The following PFKM variants were observed in gnomAD, a reference collection of about 807,000 sequenced individuals.
PFKM encodes the protein ATP-dependent 6-phosphofructokinase, muscle type.
PFKM carries 58 observed loss-of-function variants against 95.5 expected under a neutral mutation model. That is an observed-to-expected ratio of 0.61 (90% confidence interval 0.49 to 0.76). PFKM has a LOEUF of 0.76. Ranked by LOEUF, PFKM falls within the 30% of genes least tolerant of loss-of-function variation. The probability of loss-of-function intolerance (pLI) is 0.00; values close to 1 mark genes in which losing one functional copy is unlikely to be tolerated. For missense variants in PFKM, 678 were observed against 1,005.4 expected, an observed-to-expected ratio of 0.67 and a Z score of 4.40; for synonymous variants, 336 against 357.2, an observed-to-expected ratio of 0.94 and a Z score of 0.67.
At chr12:48,139,435 A>T (rs1950391439) in intron 12 of PFKM, 86 bp downstream of exon 12, 1 of 1,006,734 alleles carries the variant, frequency 9.9e-7, no homozygotes, top group Middle Eastern at 2.2e-4. Context: ...GGCCCAAAAC[A>T]TGAGCTTCTG....
At chr12:48,105,450 T>C (rs1446800907), upstream of PFKM, 8 of 518,896 alleles carry the variant, frequency 1.5e-5, no homozygotes, top group Non-Finnish European at 3.8e-6. Flanking sequence ...AAGGGGATTT[T>C]CATAACCTGA....
Position 48,134,757 on chromosome 12 carries a change from C to T in PFKM, c.675C>T (p.Ala225=), listed in dbSNP as rs1368560997. 14 of 1,613,940 alleles carry T rather than the reference C, an allele frequency of 8.7e-6. No individual in the cohort carries two copies. The highest frequency in any genetic ancestry group is 1.6e-4 in the Middle Eastern group (1 of 6,084). ...LALVTSLSCG[A]DWVFIPECPP... ...TTGTCACCTCTCTGTCCTGTGGGGC[C>T]GACTGGGTTTTTATTCCTGAATGTC... is the stretch of plus-strand genomic sequence containing the variant. The change falls in exon 8 of 23, where the codon GCC becomes GCT. Residue 225 remains alanine (A), a synonymous_variant. Coordinates refer to ENST00000359794, the MANE Select transcript of PFKM (RefSeq NM_000289.6).
chr12:48,113,146 G>T (rs1226310581), intron 3 of PFKM, among the ~76,000 whole-genome samples: 4 of 152,146 alleles, frequency 2.6e-5, no homozygotes, highest in Non-Finnish European at 5.9e-5. Flanking sequence ...CTAAAAAGGA[G>T]TGCTTAAAAG....
At chr12:48,119,681 C>T (rs1329233512) in intron 1 of PFKM, 2 of 152,300 alleles carry the variant, frequency 1.3e-5, no homozygotes, top group Non-Finnish European at 2.9e-5. Flanking sequence ...GCTGCCTGAC[C>T]CTACCCTGGC....
intron 10 of PFKM, among the ~76,000 whole-genome samples, chr12:48,136,816 T>C (rs1393548231): frequency 6.7e-6 from 1 of 150,184 alleles, no homozygotes; most frequent in African/African-American, 2.4e-5. Flanking sequence ...TGCAGTGGCA[T>C]GGTCTCAGCT....
rs1489343555 is a variant in PFKM, at chr12:48,137,718, C to A, written c.937-3C>A. 8 of 1,613,994 alleles carry A rather than the reference C, an allele frequency of 5.0e-6. No individual in the cohort carries two copies. In the East Asian group the frequency reaches 1.6e-4, roughly 31 times the overall value. On this transcript the variant is annotated splice_region_variant and splice_polypyrimidine_tract_variant and intron_variant, in intron 10 of 22. Coordinates refer to ENST00000359794, the MANE Select transcript of PFKM (RefSeq NM_000289.6). Reference sequence around the variant, plus strand: ...ACTGTCTTTGTTCTCTGGGCTCCTGCAGGGCAGCAGGATGGGTGTGGAAGC... The same window carrying A: ...ACTGTCTTTGTTCTCTGGGCTCCTGAAGGGCAGCAGGATGGGTGTGGAAGC...
At chr12:48,111,463 A>G (rs1947179845) in intron 3 of PFKM, among the ~76,000 whole-genome samples, 1 of 152,242 alleles carries the variant, frequency 6.6e-6, no homozygotes, top group African/African-American at 2.4e-5. Context: ...GGTGCAGGAT[A>G]TGGAAGGCAT....
rs568063197 is a variant in PFKM at position 48,146,330 on chromosome 12, G to A, written c.*622G>A. ...GAGAAGGTTTGTTGCTGGAGTCAGG[G>A]AATAAGGCAGCCAAATACTCTTTGC... On this transcript the variant is annotated 3_prime_UTR_variant, in exon 23 of 23. Transcript: ENST00000359794. 68 of 156,518 alleles carry A rather than the reference G, an allele frequency of 4.3e-4. No individual in the cohort carries two copies. The highest frequency in any genetic ancestry group is 7.2e-4 in the Non-Finnish European group (51 of 70,470). The allele number at this position is 156,518 out of a possible 1,614,324, so 9.7% of individuals were successfully genotyped here.
At position 48,145,711 on chromosome 12, in the gene PFKM, C is replaced by T. The variant is rs367783282; in HGVS notation, c.*3C>T. The T allele has an allele frequency of 2.7e-4, 439 of 1,613,986 alleles. No homozygotes were observed. Among genetic ancestry groups the T allele is most frequent in the Non-Finnish European group, 3.6e-4 (421 of 1,179,958 alleles). ...GGTCCGGGGAAGCTGCCGTCTAAAC[C>T]TCTCTGGAGTGAGGGGAATAGATTA... On this transcript the variant is annotated 3_prime_UTR_variant, in exon 23 of 23. Coordinates refer to ENST00000359794, the MANE Select transcript of PFKM (RefSeq NM_000289.6). The surrounding 1 kb of genome is among the most constrained non-coding windows in gnomAD (Gnocchi z 4.3).
upstream of PFKM, among the ~76,000 whole-genome samples, chr12:48,116,261 C>G (rs571826414): frequency 6.5e-4 from 98 of 149,972 alleles, 1 homozygote; most frequent in South Asian, 8.4e-3. Flanking sequence ...TTCTCTCTCT[C>G]CACCCCTCCC....
At chr12:48,130,486 A>G (rs752670622) in intron 3 of PFKM, 50 bp downstream of exon 3, 93 of 1,363,690 alleles carry the variant, frequency 6.8e-5, no homozygotes, top group Middle Eastern at 1.8e-4. Context: ...CTTCTTCTAA[A>G]TCTGCCTTCT....
intron 2 of PFKM, among the ~76,000 whole-genome samples, chr12:48,128,586 G>A (rs1454149605): frequency 6.6e-6 from 1 of 152,078 alleles, no homozygotes; most frequent in Admixed American, 6.5e-5. Context: ...TGAACAAATG[G>A]ACCTTCAATT....
Position 48,130,393 on chromosome 12 carries a change from G to C in PFKM, c.116G>C (p.Arg39Pro), listed in dbSNP as rs121918193. Reference protein sequence around the residue: ...GMNAAVRAVVRVGIFTGARVF... With the variant: ...GMNAAVRAVVPVGIFTGARVF... The stretch of plus-strand genomic sequence containing the variant: ...AATGCTGCTGTCAGGGCTGTGGTTC[G>C]AGTTGGTATCTTCACCGGTGCCCGT... The change falls in exon 3 of 23, where the codon CGA becomes CCA. Residue 39 changes from arginine to proline, a missense_variant. Coordinates refer to ENST00000359794, the MANE Select transcript of PFKM (RefSeq NM_000289.6). The C allele has an allele frequency of 6.2e-7, 1 of 1,613,990 alleles. No homozygotes were observed.
In PFKM at chr12:48,145,316, G is replaced by A; in HGVS notation, c.2198+1G>A. On this transcript the variant is annotated splice_donor_variant, in intron 22 of 22. Coordinates refer to ENST00000359794, the MANE Select transcript of PFKM (RefSeq NM_000289.6). LOFTEE classifies it high-confidence loss of function. The surrounding 1 kb of genome is among the most constrained non-coding windows in gnomAD (Gnocchi z 4.3). Reference sequence around the variant, plus strand: ...AGCTGAAGGACCAGACAGATTTTGAGTGAGTACATCTGCTTCCTGGAGTGG... The same window carrying A: ...AGCTGAAGGACCAGACAGATTTTGAATGAGTACATCTGCTTCCTGGAGTGG... 1 of 1,609,732 alleles carries A rather than the reference G, an allele frequency of 6.2e-7. No individual in the cohort carries two copies. The highest frequency in any genetic ancestry group is 8.5e-7 in the Non-Finnish European group (1 of 1,176,006).
intron 3 of PFKM, among the ~76,000 whole-genome samples, chr12:48,109,697 G>T (rs1467934325): frequency 1.3e-5 from 2 of 152,182 alleles, no homozygotes; most frequent in Non-Finnish European, 2.9e-5. Flanking sequence ...CCTGGGGTCT[G>T]TGTGGCTCAG....
Position 48,139,542 on chromosome 12 carries a change from C to A in PFKM, c.1127+193C>A, listed in dbSNP as rs569346982. ...CTCAGTTCATCTCAGGGGTGTGGTCCCTGGCATCAACCTTTTATAATCTGT... is the reference window on the plus strand; with the variant it reads ...CTCAGTTCATCTCAGGGGTGTGGTCACTGGCATCAACCTTTTATAATCTGT... On this transcript the variant is annotated intron_variant, in intron 12 of 22. Transcript: ENST00000359794. The A allele has an allele frequency of 6.3e-5, 40 of 639,236 alleles. No homozygotes were observed. The South Asian group carries it at 7.2e-4, about 12-fold the overall frequency. 39.6% of individuals were successfully genotyped at this position (639,236 alleles called of 1,614,324 possible).
intron 3 of PFKM, among the ~76,000 whole-genome samples, chr12:48,130,734 T>C (rs1949386928): frequency 6.6e-6 from 1 of 152,224 alleles, no homozygotes; most frequent in Admixed American, 6.5e-5. Context: ...ATGGGTAGTA[T>C]TTACAGCAAA....
chr12:48,105,974 T>A (rs1219782089), exon 1 of PFKM: 2 of 699,534 alleles, frequency 2.9e-6, no homozygotes, highest in Non-Finnish European at 5.2e-6. Flanking sequence ...CACAGTCTCC[T>A]GGACCAGGCT....
At chr12:48,144,950 CT>C (rs955994717) in intron 20 of PFKM, 80 bp from the exon 21 acceptor site, 35 of 1,040,010 alleles carry the variant, frequency 3.4e-5, no homozygotes, top group Non-Finnish European at 5.1e-5. Context: ...GCCCATCTTT[CT>C]TTTTTTCTCT....
Sources: gnomAD v4.1 joint callset for allele counts (sites outside exome capture counted in the v4.1 genomes callset) on GRCh38, gnomAD v4.1.1 for gene constraint, Gnocchi (gnomAD v3.1) non-coding constraint, MANE v1.5 for transcripts, NCBI Gene and HGNC (gene_info 2026-07-23, HGNC 2026-07-21) for gene names.